IQSEC1: variants seen among roughly 807,000 people sequenced by gnomAD.
The protein encoded by IQSEC1 is IQ motif and Sec7 domain ArfGEF 1, also known as IQ motif and SEC7 domain-containing protein 1.
In IQSEC1, 31 loss-of-function variants were observed where a neutral mutation model predicts 91.0. The ratio of observed to expected loss-of-function variants is 0.34; its 90% confidence interval spans 0.26 to 0.46. The LOEUF (loss-of-function observed/expected upper bound fraction) is 0.46. Among genes scored for constraint, IQSEC1 ranks in the 20% least tolerant of loss-of-function variants. The pLI, the probability that IQSEC1 is intolerant of heterozygous loss-of-function variation, is 1.00. For missense variants in IQSEC1, 1,388 were observed against 1,575.6 expected (o/e 0.88, Z 2.02); for synonymous variants, 699 against 662.6 (o/e 1.05, Z -0.84).
chr3:13,218,304 C>T (rs939397549), intron 1 of IQSEC1, among the ~76,000 whole-genome samples: 3 of 152,144 alleles, frequency 2.0e-5, no homozygotes, highest in Non-Finnish European at 4.4e-5. Flanking sequence ...TTTTTTAATC[C>T]CATTAGTCCC....
intron 2 of IQSEC1, among the ~76,000 whole-genome samples, chr3:13,142,495 T>C (rs1326324508): frequency 2.6e-5 from 4 of 152,180 alleles, no homozygotes; most frequent in Non-Finnish European, 5.9e-5. Context: ...GCCCCACTGA[T>C]CTCTCTGACC....
intron 1 of IQSEC1, among the ~76,000 whole-genome samples, chr3:12,989,247 C>T (rs1701881582): frequency 1.3e-5 from 2 of 152,206 alleles, no homozygotes; most frequent in Non-Finnish European, 2.9e-5. Flanking sequence ...ACCCCAGCAC[C>T]AAACTGAAAA....
At chr3:13,061,175 T>C (rs360761) in intron 1 of IQSEC1, among the ~76,000 whole-genome samples, 98,147 of 151,916 alleles carry the variant, frequency 0.65, 32,123 homozygotes, top group South Asian at 0.86. Flanking sequence ...CCCACGAGGC[T>C]GGGAATGACC....
intron 1 of IQSEC1, among the ~76,000 whole-genome samples, chr3:13,208,747 A>G (rs563252761): frequency 6.6e-6 from 1 of 151,618 alleles, no homozygotes; most frequent in African/African-American, 2.4e-5. Context: ...GGAGCCCCCA[A>G]CTCCGACCCC....
At chr3:13,150,717 T>C (rs1706981654) in intron 2 of IQSEC1, among the ~76,000 whole-genome samples, 1 of 152,174 alleles carries the variant, frequency 6.6e-6, no homozygotes, top group Admixed American at 6.5e-5. Context: ...GAGCTGAGTG[T>C]GGCTCTCACC....
chr3:13,031,637 A>T (rs991996948), intron 1 of IQSEC1, among the ~76,000 whole-genome samples: 8 of 152,220 alleles, frequency 5.3e-5, no homozygotes, highest in African/African-American at 1.9e-4. Flanking sequence ...GCAGAGGGGC[A>T]GGAGTGACCA....
In IQSEC1 at chr3:12,938,537, G is replaced by A. The variant is rs1003840138; in HGVS notation, c.319-1840C>T. On this transcript the variant is annotated intron_variant, in intron 2 of 13. Transcript: ENST00000613206. ...CAGGCCACAGTCTGTTTTCTCTCTC[G>A]CCCTGTTACTGAACGCCATCCAAGA... Among the ~76,000 whole-genome samples the A allele has an allele frequency of 9.1e-4, 139 of 152,304 alleles. 1 individual carries two copies. Among genetic ancestry groups the A allele is most frequent in the African/African-American group, 3.2e-3 (132 of 41,564 alleles).
At chr3:13,048,915 C>T (rs1318872753) in intron 1 of IQSEC1, among the ~76,000 whole-genome samples, 21 of 152,208 alleles carry the variant, frequency 1.4e-4, no homozygotes, top group Admixed American at 1.4e-3. Context: ...CAGGGCCACA[C>T]TCTGTTGGCT....
rs554694223 is a variant in IQSEC1 at position 13,015,280 on chromosome 3, C to T, written c.23+57712G>A. On this transcript the variant is annotated intron_variant, in intron 1 of 13. Transcript: ENST00000613206. ...CACTCCCTGCCATCCAGGTGGGCTG[C>T]GGGGCCCTGGTTCTCAACCCTAATG... 4.6e-5 allele frequency among the ~76,000 whole-genome samples: 7 copies of T among 152,260 alleles called. No homozygotes were observed. The South Asian group carries it at 8.3e-4, about 18-fold the overall frequency.
intron 1 of IQSEC1, among the ~76,000 whole-genome samples, chr3:13,239,734 C>G (rs936643271): frequency 3.9e-5 from 6 of 152,254 alleles, no homozygotes; most frequent in African/African-American, 1.4e-4. Context: ...TGGTACCACA[C>G]AGGTGAACCC....
At position 12,922,462 on chromosome 3, in the gene IQSEC1, C is replaced by T. The variant is rs1447421990; in HGVS notation, c.1731-220G>A. On this transcript the variant is annotated intron_variant, in intron 4 of 13. Transcript: ENST00000613206. This position sits in a 1 kb window ranked among gnomAD's most constrained non-coding sequence, Gnocchi z 5.1. ...CAAAGCCCCTGGAACTGTAGGGAAG[C>T]GCGTGTGCCTATATTTATGCTGGCA... Among the ~76,000 whole-genome samples, 2 of 152,198 alleles carry T rather than the reference C, an allele frequency of 1.3e-5. No homozygotes were observed. Among genetic ancestry groups the T allele is most frequent in the East Asian group, 1.9e-4 (1 of 5,188 alleles).
intron 2 of IQSEC1, among the ~76,000 whole-genome samples, chr3:13,092,053 C>T (rs1439283230): frequency 1.3e-5 from 2 of 152,158 alleles, no homozygotes; most frequent in African/African-American, 4.8e-5. Flanking sequence ...AAGCTAAGCA[C>T]AGCTCTTTCT....
intron 2 of IQSEC1, among the ~76,000 whole-genome samples, chr3:13,091,887 C>T (rs1321086998): frequency 6.6e-6 from 1 of 152,026 alleles, no homozygotes; most frequent in African/African-American, 2.4e-5. Flanking sequence ...CAGGCTTCCT[C>T]CCAGGTCTCC....
chr3:13,158,182 A>C (rs1052994469), intron 2 of IQSEC1, among the ~76,000 whole-genome samples: 7 of 152,210 alleles, frequency 4.6e-5, no homozygotes, highest in Admixed American at 3.9e-4. Flanking sequence ...CAGCACCTCC[A>C]AAACATGGCT....
At chr3:13,147,266 C>T (rs1706914246) in intron 2 of IQSEC1, among the ~76,000 whole-genome samples, 1 of 152,132 alleles carries the variant, frequency 6.6e-6, no homozygotes, top group Non-Finnish European at 1.5e-5. Context: ...CAGGGGTCAC[C>T]AGGGTAGTGT....
rs1429352002 is a variant in IQSEC1 at position 12,967,856 on chromosome 3, C to A, written c.24-25991G>T. Among the ~76,000 whole-genome samples the A allele has an allele frequency of 7.7e-6, 1 of 129,372 alleles. No homozygotes were observed. The highest frequency in any genetic ancestry group is 2.9e-5 in the African/African-American group (1 of 34,616). 84.9% of individuals were successfully genotyped at this position (129,372 alleles called of 152,430 possible). On this transcript the variant is annotated intron_variant, in intron 1 of 13. Coordinates refer to ENST00000613206, the MANE Select transcript of IQSEC1 (RefSeq NM_001134382.3). The surrounding 1 kb of genome is among the most constrained non-coding windows in gnomAD (Gnocchi z 5.9). ...CGTGTGGGGAAGAGAGCACAGGAGG[C>A]GTGGCCACACGGCGCCGCGGAAGAA... is the stretch of plus-strand genomic sequence containing the variant.
intron 3 of IQSEC1, among the ~76,000 whole-genome samples, chr3:12,933,431 A>T (rs1164988238): frequency 1.3e-5 from 2 of 152,154 alleles, no homozygotes; most frequent in East Asian, 3.8e-4. Flanking sequence ...CCCTCATAAG[A>T]CAATGTCACA....
intron 2 of IQSEC1, among the ~76,000 whole-genome samples, chr3:13,135,214 C>T (rs536885308): frequency 1.3e-5 from 2 of 152,338 alleles, no homozygotes; most frequent in South Asian, 4.1e-4. Flanking sequence ...GCCTCATAAG[C>T]ACAGTTCAAG....
At chr3:13,145,038 T>C (rs1361464494) in intron 2 of IQSEC1, among the ~76,000 whole-genome samples, 3 of 152,164 alleles carry the variant, frequency 2.0e-5, no homozygotes, top group Non-Finnish European at 4.4e-5. Context: ...AGGAAGGCAC[T>C]GCCAGTCAGG....
Sources: allele counts gnomAD v4.1 joint callset (sites outside exome capture counted in the v4.1 genomes callset), GRCh38; gene constraint gnomAD v4.1.1; non-coding constraint Gnocchi (gnomAD v3.1); transcripts MANE v1.5; gene names NCBI Gene and HGNC (gene_info 2026-07-23, HGNC 2026-07-21).